SLC4A2: variants seen among roughly 807,000 people sequenced by gnomAD.
The protein encoded by SLC4A2 is solute carrier family 4 member 2.
SLC4A2 carries 36 observed loss-of-function variants against 115.0 expected under a neutral mutation model. That is an observed-to-expected ratio of 0.31 (90% CI 0.24 to 0.41). The LOEUF is 0.41. Among genes scored for constraint, SLC4A2 ranks in the 10% least tolerant of loss-of-function variants. SLC4A2 has a pLI of 1.00. For missense variants in SLC4A2, 1,252 were observed against 1,705.6 expected (o/e 0.73, Z 4.68); for synonymous variants, 708 against 708.3 (o/e 1.00, Z 0.01).
At position 151,071,188 on chromosome 7, in the gene SLC4A2, G is replaced by A. The variant is rs147998743; in HGVS notation, c.1866G>A (p.Leu622=). 4.4e-5 allele frequency: 70 copies of A among 1,608,378 alleles called. No homozygotes were observed. Among genetic ancestry groups the A allele is most frequent in the Non-Finnish European group, 5.6e-5 (66 of 1,177,948 alleles). The part of the protein sequence containing the change: ...LPPSEVQGEE[L]LRSVAHFQRQ... ...CTTCAGAAGTGCAGGGCGAGGAGCT[G>A]CTGCGCTCTGTGGCCCACTTCCAGC... The change falls in exon 13 of 23, where the codon CTG becomes CTA. Residue 622 remains leucine (L), a synonymous_variant. Coordinates refer to ENST00000413384, the MANE Select transcript of SLC4A2 (RefSeq NM_003040.4). The surrounding 1 kb of genome is among the most constrained non-coding windows in gnomAD (Gnocchi z 5.5).
chr7:151,064,801 C>A (rs1320654221), intron 4 of SLC4A2, 34 bp downstream of exon 4: 1 of 1,608,828 alleles, frequency 6.2e-7, no homozygotes, highest in South Asian at 1.1e-5. Context: ...GGCATGTCGG[C>A]AGGGCCCTGG....
rs768940325 is a variant in SLC4A2 at position 151,069,974 on chromosome 7, A to G, written c.1175A>G (p.Gln392Arg). The G allele has an allele frequency of 1.2e-6, 2 of 1,614,054 alleles. No homozygotes were observed. Among genetic ancestry groups the G allele is most frequent in the South Asian group, 1.1e-5 (1 of 91,082 alleles). Residue 392 changes from glutamine to arginine, a missense_variant, in exon 9 of 23, where the codon CAG becomes CGG. Around this residue, in one of 14 missense-constraint regions of SLC4A2, gnomAD observed 142 missense variants for 153.5 expected, o/e 0.93. Coordinates refer to ENST00000413384, the MANE Select transcript of SLC4A2 (RefSeq NM_003040.4). ...HGAVLLDLDQ[Q>R]TLPGVAHQVV... ...GCTGTGCTCTTGGATCTGGACCAGC[A>G]GACCCTGCCCGGAGTGGCCCACCAG...
chr7:151,066,619 G>A lies in SLC4A2; in HGVS notation c.681G>A (p.Gln227=). 2 of 1,549,614 alleles carry A rather than the reference G, an allele frequency of 1.3e-6. No homozygotes were observed. The highest frequency in any genetic ancestry group is 2.4e-5 in the South Asian group (2 of 84,022). ...CGGGGCGCCCCCTGCCCAAAGCCCAGCCTGGGCACCGCAGCTACAACCTTC... is the reference window on the plus strand; with the variant it reads ...CGGGGCGCCCCCTGCCCAAAGCCCAACCTGGGCACCGCAGCTACAACCTTC... The part of the protein sequence containing the change: ...GASGRPLPKA[Q]PGHRSYNLQE... The change falls in exon 6 of 23, where the codon CAG becomes CAA. Residue 227 remains glutamine, a synonymous_variant. Coordinates refer to ENST00000413384, the MANE Select transcript of SLC4A2 (RefSeq NM_003040.4).
intron 8 of SLC4A2, among the ~76,000 whole-genome samples, chr7:151,069,140 C>CAATAAAAA (rs1797338028): frequency 2.4e-5 from 1 of 40,950 alleles, no homozygotes; most frequent in Non-Finnish European, 4.2e-5. Flanking sequence ...CTCTTATCAC[C>CAATAAAAA]AAAAAAAAAA....
At chr7:151,058,587 C>G (rs35403834), upstream of SLC4A2, 3 of 152,450 alleles carry the variant, frequency 2.0e-5, no homozygotes, top group East Asian at 5.8e-4. Flanking sequence ...TGTCTCGGAG[C>G]CCACCCGACT....
Position 151,076,299 on chromosome 7 carries a change from G to T in SLC4A2, c.3658G>T (p.Glu1220Ter). Residue 1220 changes from glutamate (E) to a stop codon, truncating the protein, a stop_gained, in exon 23 of 23, where the codon GAG becomes TAG. Transcript: ENST00000413384. LOFTEE classifies it high-confidence loss of function. The part of the protein sequence containing the change: ...DREMKCLDAN[E>*]AEPVFDEREG... ...TCCCCACACACAGCTGGATGCTAAC[G>T]AGGCAGAGCCGGTGTTTGATGAGCG... 1.3e-6 allele frequency: 2 copies of T among 1,555,016 alleles called. No homozygotes were observed. Among genetic ancestry groups the T allele is most frequent in the Non-Finnish European group, 1.7e-6 (2 of 1,148,048 alleles).
At position 151,074,488 on chromosome 7, in the gene SLC4A2, G is replaced by C; in HGVS notation, c.2880G>C (p.Gln960His). ...VDYSIEDTYT[Q>H]KLSVPSGFSV... ...ACAGTATTGAGGACACCTATACCCA[G>C]GTAAGGTGCTGCCCACAGCAGGCAA... The change falls in exon 18 of 23, where the codon CAG becomes CAC. Residue 960 changes from glutamine (Q) to histidine (H), a missense_variant and splice_region_variant. Gln to His is a conservative substitution (Grantham distance 24). Around this residue, in one of 14 missense-constraint regions of SLC4A2, gnomAD observed 253 missense variants for 407.4 expected, o/e 0.62. Transcript: ENST00000413384. 3 of 1,613,826 alleles carry C rather than the reference G, an allele frequency of 1.9e-6. No homozygotes were observed. The highest frequency in any genetic ancestry group is 1.1e-5 in the South Asian group (1 of 91,074).
Position 151,076,182 on chromosome 7 carries a change from A to T in SLC4A2, c.3641A>T (p.Lys1214Ile). Residue 1214 changes from lysine (K) to isoleucine (I), a missense_variant, in exon 22 of 23, where the codon AAA becomes ATA. Physicochemically the swap from Lys to Ile is moderately radical, Grantham distance 102. This residue lies in a region of SLC4A2 where 52 missense variants were observed against 40.6 expected (regional missense o/e 1.28). Coordinates refer to ENST00000413384, the MANE Select transcript of SLC4A2 (RefSeq NM_003040.4). ...CGTATCTTCACCGACCGAGAGATGA[A>T]ATGTGTAAGCCCTCCCGTCTGCCTC... Reference protein sequence around the residue: ...LTRIFTDREMKCLDANEAEPV... With the variant: ...LTRIFTDREMICLDANEAEPV... 1.2e-6 allele frequency: 2 copies of T among 1,611,760 alleles called. No individual in the cohort carries two copies. The highest frequency in any genetic ancestry group is 2.2e-5 in the South Asian group (2 of 91,048).
chr7:151,064,231 G>A lies in SLC4A2; in HGVS notation c.81G>A (p.Thr27=), dbSNP rs142515597. 202 of 1,612,424 alleles carry A rather than the reference G, an allele frequency of 1.3e-4. No homozygotes were observed. In the African/African-American group the frequency reaches 1.7e-3, roughly 13 times the overall value. The change falls in exon 3 of 23, where the codon ACG becomes ACA. Residue 27 remains threonine, a synonymous_variant. Transcript: ENST00000413384. ...TPEPESLGPG[T]PGFPEQEEDE... ...AGCCAGAGAGCTTGGGCCCTGGGAC[G>A]CCTGGGTTCCCCGAGCAGGAGGAAG...
At chr7:151,063,100 G>A in intron 2 of SLC4A2, 1 of 1,523,866 alleles carries the variant, frequency 6.6e-7, no homozygotes, top group Non-Finnish European at 8.8e-7. Context: ...CCAGGCGGCT[G>A]CCGCTTAGCT....
In SLC4A2 at chr7:151,064,681, G is replaced by A. The variant is rs773104836; in HGVS notation, c.373G>A (p.Glu125Lys). The A allele has an allele frequency of 1.2e-6, 2 of 1,613,836 alleles. No individual in the cohort carries two copies. The highest frequency in any genetic ancestry group is 2.2e-5 in the South Asian group (2 of 91,076). Residue 125 changes from glutamate (E) to lysine (K), a missense_variant, in exon 4 of 23, where the codon GAG (glutamate) becomes AAG (lysine). By Grantham distance (56) the Glu-to-Lys change is moderately conservative (BLOSUM62 1). Around this residue, in one of 14 missense-constraint regions of SLC4A2, gnomAD observed 215 missense variants for 205.2 expected, o/e 1.05. Coordinates refer to ENST00000413384, the MANE Select transcript of SLC4A2 (RefSeq NM_003040.4). ...AGAAACCCCGACCATTGAGGAGGGGGAGGAAGATGAGGATGAGGCCAGCGA... is the reference window on the plus strand; with the variant it reads ...AGAAACCCCGACCATTGAGGAGGGGAAGGAAGATGAGGATGAGGCCAGCGA... ...TGETPTIEEG[E>K]EDEDEASEAE...
intron 2 of SLC4A2, chr7:151,062,957 T>A: frequency 7.1e-7 from 1 of 1,407,392 alleles, no homozygotes; most frequent in Non-Finnish European, 9.2e-7. Context: ...CTGGCACCGC[T>A]ATGGAGGGGG....
In SLC4A2 at chr7:151,069,941, T is replaced by C. The variant is rs757974486; in HGVS notation, c.1148-6T>C. The C allele has an allele frequency of 1.6e-5, 26 of 1,613,698 alleles. No homozygotes were observed. Among genetic ancestry groups the C allele is most frequent in the Non-Finnish European group, 2.1e-5 (25 of 1,180,022 alleles). On this transcript the variant is annotated splice_polypyrimidine_tract_variant and splice_region_variant and intron_variant, in intron 8 of 22. Transcript: ENST00000413384. ...CTGAGGGGCCCTCTGTGCCATCTTA[T>C]GCTAGGGGCTGTGCTCTTGGATCTG...
At chr7:151,063,097 G>A (rs529904233) in intron 2 of SLC4A2, 2 of 1,523,542 alleles carry the variant, frequency 1.3e-6, no homozygotes, top group Non-Finnish European at 1.8e-6. Context: ...TGGCCAGGCG[G>A]CTGCCGCTTA....
chr7:151,074,743 G>T lies in SLC4A2; in HGVS notation c.2949G>T (p.Leu983=). The change falls in exon 19 of 23, where the codon CTG becomes CTT. Residue 983 remains leucine (L), a synonymous_variant. Transcript: ENST00000413384. ...AGAGGGGCTGGGTCATCAACCCCCT[G>T]GGAGAGAAGAGCCCCTTCCCTGTGT... ...PEKRGWVINP[L]GEKSPFPVWM... 1 of 1,613,646 alleles carries T rather than the reference G, an allele frequency of 6.2e-7. No homozygotes were observed. Among genetic ancestry groups the T allele is most frequent in the Non-Finnish European group, 8.5e-7 (1 of 1,179,862 alleles).
At chr7:151,058,938 T>C (rs1796964630), upstream of SLC4A2, 1 of 152,270 alleles carries the variant, frequency 6.6e-6, no homozygotes, top group Admixed American at 6.5e-5. Flanking sequence ...AACTCGTTTC[T>C]ATCTGAATGC....
intron 1 of SLC4A2, chr7:151,061,098 A>G (rs1298593563): frequency 6.6e-6 from 1 of 151,564 alleles, no homozygotes; most frequent in Admixed American, 6.6e-5. Flanking sequence ...CAGCACTGCC[A>G]CTCAGATTTT....
At chr7:151,070,657 C>T (rs1232092357) in intron 11 of SLC4A2, 70 bp from the exon 12 acceptor site, 1 of 1,601,654 alleles carries the variant, frequency 6.2e-7, no homozygotes, top group Non-Finnish European at 8.5e-7. Context: ...GCCTTGGTGC[C>T]ACCCTGGGCG....
chr7:151,074,240 T>G lies in SLC4A2; in HGVS notation c.2737T>G (p.Phe913Val). The G allele has an allele frequency of 6.2e-7, 1 of 1,612,610 alleles. No individual in the cohort carries two copies. The change falls in exon 17 of 23, where the codon TTC becomes GTC. Residue 913 changes from phenylalanine to valine, a missense_variant. Transcript: ENST00000413384. ...GCTGGTGCTCATGGCCGGCACCTTC[T>G]TCATCGCCTTCTTCCTGCGCAAATT... The part of the protein sequence containing the change: ...LSLVLMAGTF[F>V]IAFFLRKFKN...
Sources: gnomAD v4.1 joint callset for allele counts (sites outside exome capture counted in the v4.1 genomes callset) on GRCh38, gnomAD v4.1.1 for gene constraint, gnomAD v4.1.1 regional missense constraint, Gnocchi (gnomAD v3.1) non-coding constraint, MANE v1.5 for transcripts, NCBI Gene and HGNC (gene_info 2026-07-23, HGNC 2026-07-21) for gene names.